PRKN: variants seen among roughly 807,000 people sequenced by gnomAD.
PRKN encodes parkin RBR E3 ubiquitin protein ligase.
A neutral mutation model predicts 59.5 loss-of-function variants in PRKN; 56 were observed. The ratio of observed to expected loss-of-function variants is 0.94; its 90% CI spans 0.76 to 1.18. The LOEUF (loss-of-function observed/expected upper bound fraction) is 1.18. Among genes scored for constraint, PRKN ranks in the 50% most tolerant of loss-of-function variants. The pLI is 0.00. For synonymous variants in PRKN, 250 were observed against 222.1 expected (o/e 1.13, Z -1.12); for missense variants, 657 against 596.4 (o/e 1.10, Z -1.06).
At chr6:162,093,198 A>G (rs2128296827) in intron 4 of PRKN, among the ~76,000 whole-genome samples, 1 of 152,316 alleles carries the variant, frequency 6.6e-6, no homozygotes, top group East Asian at 1.9e-4. Flanking sequence ...ATCCTTCCAG[A>G]TAGCCTAAAT....
intron 1 of PRKN, among the ~76,000 whole-genome samples, chr6:162,689,055 C>T (rs931740906): frequency 1.4e-4 from 22 of 152,160 alleles, no homozygotes; most frequent in African/African-American, 5.3e-4. Flanking sequence ...TCAAAGTCAC[C>T]TTTTCCCCCA....
rs1777520584 is a variant in PRKN at position 162,213,856 on chromosome 6, CACATAT to C, written c.413-12610_413-12605del. On this transcript the variant is annotated intron_variant, in intron 3 of 11. Coordinates refer to ENST00000366898, the MANE Select transcript of PRKN (RefSeq NM_004562.3). ...ACACACACACACACACACACACACACACATATGAATAGTAAGAAGTAATAGAGTCTT... is the reference window on the plus strand; with the variant it reads ...ACACACACACACACACACACACACACGAATAGTAAGAAGTAATAGAGTCTT... 9.1e-5 allele frequency among the ~76,000 whole-genome samples: 9 copies of C among 98,834 alleles called. No individual in the cohort carries two copies. In the South Asian group the frequency reaches 2.9e-3, roughly 32 times the overall value. 64.8% of individuals were successfully genotyped at this position (98,834 alleles called of 152,430 possible). A position where few individuals can be genotyped will look rare whatever the true frequency, so the allele number is the denominator to read the frequency against.
chr6:162,116,379 T>C (rs1224703623), intron 4 of PRKN, among the ~76,000 whole-genome samples: 3 of 152,212 alleles, frequency 2.0e-5, no homozygotes, highest in African/African-American at 7.2e-5. Flanking sequence ...TCTCAATTGC[T>C]GATCAATTTC....
rs930412125 is a variant in PRKN at position 161,786,907 on chromosome 6, T to C, written c.735-999A>G. 2.1e-4 allele frequency among the ~76,000 whole-genome samples: 11 copies of C among 52,562 alleles called. No individual in the cohort carries two copies. In the East Asian group the frequency reaches 0.013, roughly 64 times the overall value. 34.5% of individuals were successfully genotyped at this position (52,562 alleles called of 152,430 possible). Reference sequence around the variant, plus strand: ...TTTTTTTTATCCCTTTAAAATACTCTGTAGAAAAAAAAATCTTAAAAGCCA... The same window carrying C: ...TTTTTTTTATCCCTTTAAAATACTCCGTAGAAAAAAAAATCTTAAAAGCCA... On this transcript the variant is annotated intron_variant, in intron 6 of 11. Coordinates refer to ENST00000366898, the MANE Select transcript of PRKN (RefSeq NM_004562.3).
Position 161,361,669 on chromosome 6 carries a change from G to C in PRKN, c.1168-1464C>G, listed in dbSNP as rs1007510539. Reference sequence around the variant, plus strand: ...CTGGTCACTGGGTGAAGCCAATTTCGTTTCTGTTAATGAGCCATCATGGGC... The same window carrying C: ...CTGGTCACTGGGTGAAGCCAATTTCCTTTCTGTTAATGAGCCATCATGGGC... On this transcript the variant is annotated intron_variant, in intron 10 of 11. Coordinates refer to ENST00000366898, the MANE Select transcript of PRKN (RefSeq NM_004562.3). The surrounding 1 kb of genome is among the most constrained non-coding windows in gnomAD (Gnocchi z 5.2). Among the ~76,000 whole-genome samples, 1 of 152,152 alleles carries C rather than the reference G, an allele frequency of 6.6e-6. No individual in the cohort carries two copies. The highest frequency in any genetic ancestry group is 2.4e-5 in the African/African-American group (1 of 41,424).
intron 3 of PRKN, among the ~76,000 whole-genome samples, chr6:162,222,786 C>T (rs1461866298): frequency 2.6e-5 from 4 of 151,906 alleles, no homozygotes; most frequent in African/African-American, 4.8e-5. Flanking sequence ...TATTACACAG[C>T]AAAAAATGAC....
At chr6:162,403,773 C>T (rs1371112844) in intron 2 of PRKN, among the ~76,000 whole-genome samples, 2 of 152,106 alleles carry the variant, frequency 1.3e-5, no homozygotes, top group African/African-American at 2.4e-5. Context: ...TGACACAAGT[C>T]GTTGTAATTA....
intron 2 of PRKN, among the ~76,000 whole-genome samples, chr6:162,407,868 T>C (rs1239801862): frequency 2.0e-5 from 3 of 152,098 alleles, no homozygotes; most frequent in Non-Finnish European, 4.4e-5. Flanking sequence ...AAATGTAACT[T>C]GGTTAAACTT....
At chr6:161,637,135 C>T (rs146851636) in intron 7 of PRKN, among the ~76,000 whole-genome samples, 170 of 152,276 alleles carry the variant, frequency 1.1e-3, no homozygotes, top group Non-Finnish European at 2.2e-3. Flanking sequence ...CTAAATCATG[C>T]TGAAATTGGA....
chr6:162,609,299 C>G (rs959816042), intron 1 of PRKN, among the ~76,000 whole-genome samples: 19 of 152,296 alleles, frequency 1.2e-4, no homozygotes, highest in African/African-American at 4.3e-4. Context: ...TCGCCTTAGA[C>G]TGATTCACTG....
chr6:162,326,114 G>C (rs1332093438), intron 2 of PRKN, among the ~76,000 whole-genome samples: 1 of 152,132 alleles, frequency 6.6e-6, no homozygotes, highest in Admixed American at 6.5e-5. Context: ...GCTGAGTAGG[G>C]AGGAGACGAA....
rs926459164 is a variant in PRKN at position 161,473,491 on chromosome 6, C to T, written c.1083+75363G>A. On this transcript the variant is annotated intron_variant, in intron 9 of 11. Coordinates refer to ENST00000366898, the MANE Select transcript of PRKN (RefSeq NM_004562.3). This position sits in a 1 kb window ranked among gnomAD's most constrained non-coding sequence, Gnocchi z 4.1. ...GAGCCAGACACAGGAAAAAGTACTGCATGATCTTACTTACATGTGGAATCT... is the reference window on the plus strand; with the variant it reads ...GAGCCAGACACAGGAAAAAGTACTGTATGATCTTACTTACATGTGGAATCT... Among the ~76,000 whole-genome samples, 8 of 151,468 alleles carry T rather than the reference C, an allele frequency of 5.3e-5. No homozygotes were observed. Among genetic ancestry groups the T allele is most frequent in the Admixed American group, 4.6e-4 (7 of 15,184 alleles).
chr6:162,067,560 G>T (rs141643425), intron 4 of PRKN, among the ~76,000 whole-genome samples: 3,579 of 152,260 alleles, frequency 0.024, 72 homozygotes, highest in Middle Eastern at 0.051. Context: ...TTTTAAAAAA[G>T]CATTGATCAT....
At chr6:162,115,808 T>C (rs561575045) in intron 4 of PRKN, among the ~76,000 whole-genome samples, 1 of 152,294 alleles carries the variant, frequency 6.6e-6, no homozygotes, top group Non-Finnish European at 1.5e-5. Flanking sequence ...TAACTGGCAG[T>C]AGAGTAATCT....
intron 2 of PRKN, among the ~76,000 whole-genome samples, chr6:162,302,291 C>A (rs1034506425): frequency 2.6e-5 from 4 of 151,678 alleles, no homozygotes; most frequent in Non-Finnish European, 4.4e-5. Context: ...GAGAGGAATC[C>A]ATTAATAGGA....
At chr6:162,637,999 C>CAATATAACGAA (rs1215882248) in intron 1 of PRKN, among the ~76,000 whole-genome samples, 2 of 152,034 alleles carry the variant, frequency 1.3e-5, no homozygotes, top group Admixed American at 1.3e-4. Context: ...GTCAATCCTA[C>CAATATAACGAA]AATATAACGA....
chr6:162,021,149 T>C lies in PRKN; in HGVS notation c.618+32942A>G, dbSNP rs1353829510. Among the ~76,000 whole-genome samples, 101 of 13,454 alleles carry C rather than the reference T, an allele frequency of 7.5e-3. 9 individuals carry two copies. Among genetic ancestry groups the C allele is most frequent in the African/African-American group, 0.021 (98 of 4,746 alleles). 8.8% of individuals were successfully genotyped at this position (13,454 alleles called of 152,430 possible). A position where few individuals can be genotyped will look rare whatever the true frequency, so the allele number is the denominator to read the frequency against. On this transcript the variant is annotated intron_variant, in intron 5 of 11. Coordinates refer to ENST00000366898, the MANE Select transcript of PRKN (RefSeq NM_004562.3). ...ATATATATATATATATATATATATA[T>C]ATATATATATATATATAAAATATAT... is the stretch of plus-strand genomic sequence containing the variant.
chr6:161,865,351 T>C (rs1480181757), intron 6 of PRKN, among the ~76,000 whole-genome samples: 1 of 152,176 alleles, frequency 6.6e-6, no homozygotes, highest in Non-Finnish European at 1.5e-5. Flanking sequence ...AAATGAGCAT[T>C]TGCTCCCACT....
chr6:161,532,164 CTCTATATATATA>C (rs199916486), intron 9 of PRKN, among the ~76,000 whole-genome samples: 7,412 of 67,806 alleles, frequency 0.11, 188 homozygotes, highest in South Asian at 0.17. Context: ...CTCTCTCTCT[CTCTATATATATA>C]TATATATATA....
Sources: gnomAD v4.1 joint callset for allele counts (sites outside exome capture counted in the v4.1 genomes callset) on GRCh38, gnomAD v4.1.1 for gene constraint, Gnocchi (gnomAD v3.1) non-coding constraint, MANE v1.5 for transcripts, NCBI Gene and HGNC (gene_info 2026-07-23, HGNC 2026-07-21) for gene names.